The following TRIM26 variants were observed in gnomAD, a reference collection of about 807,000 sequenced individuals.
TRIM26 encodes the protein tripartite motif containing 26.
In TRIM26, 16 loss-of-function variants were observed where a neutral mutation model predicts 45.5. The ratio of observed to expected loss-of-function variants is 0.35; its 90% CI spans 0.24 to 0.53. The LOEUF (loss-of-function observed/expected upper bound fraction) is 0.53, where lower values mean the gene tolerates loss of function less well. Ranked by LOEUF, TRIM26 falls within the 20% of genes least tolerant of loss-of-function variation. The pLI is 0.92. For synonymous variants in TRIM26, 273 were observed against 290.4 expected, an observed-to-expected ratio of 0.94 and a Z score of 0.61; for missense variants, 442 against 691.1, an observed-to-expected ratio of 0.64 and a Z score of 4.04.
chr6:30,186,101 G>C lies in TRIM26; in HGVS notation c.1395C>G (p.Leu465=), dbSNP rs1260689703. The C allele has an allele frequency of 6.3e-7, 1 of 1,589,868 alleles. No individual in the cohort carries two copies. The highest frequency in any genetic ancestry group is 1.1e-5 in the South Asian group (1 of 88,092). ...RPEDGVWALR[L]SSSGIWANTS... is the part of the protein sequence containing the mutation. ...TGTTGGCCCAGATGCCGGAGGAGGAGAGGCGCAGCGCCCACACGCCATCCT... is the reference window on the plus strand; with the variant it reads ...TGTTGGCCCAGATGCCGGAGGAGGACAGGCGCAGCGCCCACACGCCATCCT... Residue 465 remains leucine (L), a synonymous_variant, in exon 10 of 10, where the codon CTC becomes CTG. Coordinates refer to ENST00000454678, the MANE Select transcript of TRIM26 (RefSeq NM_003449.5). The surrounding 1 kb of genome is among the most constrained non-coding windows in gnomAD (Gnocchi z 7.4).
At chr6:30,205,630 G>A (rs1375717174) in intron 1 of TRIM26, among the ~76,000 whole-genome samples, 2 of 152,192 alleles carry the variant, frequency 1.3e-5, no homozygotes, top group African/African-American at 4.8e-5. Flanking sequence ...CTGAGCCCAG[G>A]AGTTTGAGAC....
rs1343167817 is a variant in TRIM26 at position 30,193,160 on chromosome 6, G to GTATATATA, written c.766-3126_766-3125insTATATATA. Among the ~76,000 whole-genome samples, 39 of 33,164 alleles carry GTATATATA rather than the reference G, an allele frequency of 1.2e-3. No individual in the cohort carries two copies. The East Asian group carries it at 0.02, about 17-fold the overall frequency. 21.8% of individuals were successfully genotyped at this position (33,164 alleles called of 152,430 possible). A position where few individuals can be genotyped will look rare whatever the true frequency, so the allele number is the denominator to read the frequency against. ...TATGTGTGTGTGTGTGTGTGTGTGT[G>GTATATATA]TGTATATATATATATATATATATTT... On this transcript the variant is annotated intron_variant, in intron 6 of 9. Transcript: ENST00000454678.
At position 30,198,390 on chromosome 6, in the gene TRIM26, G is replaced by T; in HGVS notation, c.534+39C>A. 1 of 1,609,884 alleles carries T rather than the reference G, an allele frequency of 6.2e-7. No individual in the cohort carries two copies. The highest frequency in any genetic ancestry group is 8.5e-7 in the Non-Finnish European group (1 of 1,178,054). Reference sequence around the variant, plus strand: ...CCCAGGCTCACCCTGCCCTACACGGGCGCACCGCCTCAGGGCTTCCTGAAA... The same window carrying T: ...CCCAGGCTCACCCTGCCCTACACGGTCGCACCGCCTCAGGGCTTCCTGAAA... On this transcript the variant is annotated intron_variant, in intron 5 of 9. Transcript: ENST00000454678. The surrounding 1 kb of genome is among the most constrained non-coding windows in gnomAD (Gnocchi z 6.3).
intron 1 of TRIM26, among the ~76,000 whole-genome samples, chr6:30,208,515 CTTTTTTTT>C (rs35809533): frequency 1.6e-5 from 2 of 128,222 alleles, no homozygotes; most frequent in East Asian, 4.4e-4. Flanking sequence ...AATTTTTTTC[CTTTTTTTT>C]TTTTTTTTTT....
Position 30,184,489 on chromosome 6 carries a change from G to T in TRIM26, c.*1387C>A, listed in dbSNP as rs981692058. On this transcript the variant is annotated 3_prime_UTR_variant, in exon 10 of 10. Transcript: ENST00000454678. ...CAAGTCTTTATTGAGCACCTACTCT[G>T]TGCCCAGCACTGCACTAGGTGCCAT... The T allele has an allele frequency of 2.6e-5, 4 of 152,290 alleles. No homozygotes were observed. Among genetic ancestry groups the T allele is most frequent in the African/African-American group, 9.7e-5 (4 of 41,438 alleles). 9.4% of individuals were successfully genotyped at this position (152,290 alleles called of 1,614,324 possible).
intron 9 of TRIM26, chr6:30,187,472 A>C: frequency 7.6e-6 from 4 of 523,696 alleles, no homozygotes; most frequent in Non-Finnish European, 1.6e-5. Flanking sequence ...CAAATGCATG[A>C]AATTGTTTTG....
At chr6:30,187,941 C>T (rs1266480505) in intron 9 of TRIM26, among the ~76,000 whole-genome samples, 3 of 125,322 alleles carry the variant, frequency 2.4e-5, no homozygotes, top group Non-Finnish European at 3.3e-5. Context: ...AAAAAAAGGC[C>T]GGGCGCGGTG....
intron 1 of TRIM26, among the ~76,000 whole-genome samples, chr6:30,210,878 A>T (rs1228449151): frequency 6.6e-6 from 1 of 152,148 alleles, no homozygotes; most frequent in Non-Finnish European, 1.5e-5. Context: ...AAAACTTATG[A>T]ATTGTTTACT....
Position 30,198,388 on chromosome 6 carries a change from G to T in TRIM26, c.534+41C>A, listed in dbSNP as rs377364305. The stretch of plus-strand genomic sequence containing the variant: ...TGCCCAGGCTCACCCTGCCCTACAC[G>T]GGCGCACCGCCTCAGGGCTTCCTGA... On this transcript the variant is annotated intron_variant, in intron 5 of 9. Coordinates refer to ENST00000454678, the MANE Select transcript of TRIM26 (RefSeq NM_003449.5). The surrounding 1 kb of genome is among the most constrained non-coding windows in gnomAD (Gnocchi z 6.3). 2.2e-4 allele frequency: 352 copies of T among 1,608,452 alleles called. No homozygotes were observed. Among genetic ancestry groups the T allele is most frequent in the Non-Finnish European group, 2.7e-4 (316 of 1,176,968 alleles).
At chr6:30,200,270 A>C (rs1777025020) in intron 3 of TRIM26, among the ~76,000 whole-genome samples, 1 of 152,176 alleles carries the variant, frequency 6.6e-6, no homozygotes, top group South Asian at 2.1e-4. Context: ...CAACAGAATA[A>C]GAGACTGTCT....
Position 30,186,806 on chromosome 6 carries a change from G to C in TRIM26, c.938-248C>G. 9.1e-7 allele frequency: 1 copy of C among 1,096,342 alleles called. No individual in the cohort carries two copies. The highest frequency in any genetic ancestry group is 1.4e-6 in the Non-Finnish European group (1 of 730,522). The allele number at this position is 1,096,342 out of a possible 1,614,324, so 67.9% of individuals were successfully genotyped here. A position where few individuals can be genotyped will look rare whatever the true frequency, so the allele number is the denominator to read the frequency against. ...ACTGAAATTTAACTTGACTGTTTTC[G>C]CTTACGCTCTGATTCCAAACAAAAC... On this transcript the variant is annotated intron_variant, in intron 9 of 9. Transcript: ENST00000454678. The surrounding 1 kb of genome is among the most constrained non-coding windows in gnomAD (Gnocchi z 7.4).
chr6:30,193,173 T>C (rs1776091646), intron 6 of TRIM26, among the ~76,000 whole-genome samples: 1 of 59,064 alleles, frequency 1.7e-5, no homozygotes, highest in African/African-American at 1.0e-4. Context: ...TATATATATA[T>C]ATATATATAT....
intron 3 of TRIM26, among the ~76,000 whole-genome samples, chr6:30,199,638 TTG>T (rs555913561): frequency 8.5e-6 from 1 of 117,044 alleles, no homozygotes; most frequent in African/African-American, 3.2e-5. Context: ...TTTTTTTTTT[TTG>T]GTTTTTTTTT....
At position 30,196,441 on chromosome 6, in the gene TRIM26, G is replaced by A; in HGVS notation, c.765+75C>T. 1 of 1,444,860 alleles carries A rather than the reference G, an allele frequency of 6.9e-7. No homozygotes were observed. The highest frequency in any genetic ancestry group is 9.5e-7 in the Non-Finnish European group (1 of 1,057,896). 89.5% of individuals were successfully genotyped at this position (1,444,860 alleles called of 1,614,324 possible). ...AAAACTGAGCCCCCAAGTCTTCTAA[G>A]GTCCTGCAAGTGAATGGCAGGGCTG... On this transcript the variant is annotated intron_variant, in intron 6 of 9. Coordinates refer to ENST00000454678, the MANE Select transcript of TRIM26 (RefSeq NM_003449.5). This position sits in a 1 kb window ranked among gnomAD's most constrained non-coding sequence, Gnocchi z 4.9.
intron 9 of TRIM26, chr6:30,187,144 G>T: frequency 6.9e-6 from 2 of 288,606 alleles, no homozygotes; most frequent in South Asian, 3.5e-5. Context: ...CCCAATTACT[G>T]CACTGGGGTT....
At chr6:30,192,608 G>A (rs1775969573) in intron 6 of TRIM26, among the ~76,000 whole-genome samples, 1 of 151,824 alleles carries the variant, frequency 6.6e-6, no homozygotes. Flanking sequence ...CAAACTCCTG[G>A]GTTCAAGCAA....
At chr6:30,203,560 T>C (rs1777414077) in intron 2 of TRIM26, among the ~76,000 whole-genome samples, 1 of 151,970 alleles carries the variant, frequency 6.6e-6, no homozygotes, top group South Asian at 2.1e-4. Context: ...GGATTACAGG[T>C]GCCCACCACC....
Position 30,198,478 on chromosome 6 carries a change from T to C in TRIM26, c.485A>G (p.Lys162Arg). ...HLSTLRRDRD[K>R]IQGFQAKGEA... ...TCCCTTTGCCTGGAAGCCCTGAATT[T>C]TGTCTCTGTCCCTCCTTAGGGTACT... The change falls in exon 5 of 10, where the codon AAA becomes AGA. Residue 162 changes from lysine (K) to arginine (R), a missense_variant. Lys to Arg is a conservative substitution (Grantham distance 26, BLOSUM62 2). Transcript: ENST00000454678. The surrounding 1 kb of genome is among the most constrained non-coding windows in gnomAD (Gnocchi z 6.3). 1 of 1,613,086 alleles carries C rather than the reference T, an allele frequency of 6.2e-7. No homozygotes were observed. The highest frequency in any genetic ancestry group is 8.5e-7 in the Non-Finnish European group (1 of 1,180,030).
At chr6:30,208,920 G>A (rs1232299693) in intron 1 of TRIM26, among the ~76,000 whole-genome samples, 1 of 137,134 alleles carries the variant, frequency 7.3e-6, no homozygotes, top group African/African-American at 3.3e-5. Flanking sequence ...GTGTGTGTGT[G>A]TGTGTGTGTG....
Sources: allele counts gnomAD v4.1 joint callset (sites outside exome capture counted in the v4.1 genomes callset), GRCh38; gene constraint gnomAD v4.1.1; non-coding constraint Gnocchi (gnomAD v3.1); transcripts MANE v1.5; gene names NCBI Gene and HGNC (gene_info 2026-07-23, HGNC 2026-07-21).